The following INTS2 variants were observed in gnomAD, a reference collection of about 807,000 sequenced individuals.
INTS2 encodes KIAA1287.
A neutral mutation model predicts 139.6 loss-of-function variants in INTS2; 57 were observed. That is an observed-to-expected ratio of 0.41 (90% CI 0.33 to 0.51). The LOEUF (loss-of-function observed/expected upper bound fraction) is 0.51, where lower values mean the gene tolerates loss of function less well. Among genes scored for constraint, INTS2 ranks in the 20% least tolerant of loss-of-function variants. The probability of loss-of-function intolerance (pLI) is 0.28; values close to 1 mark genes in which losing one functional copy is unlikely to be tolerated. For synonymous variants in INTS2, 473 were observed against 493.4 expected (o/e 0.96, Z 0.55); for missense variants, 1,196 against 1,436.7 (o/e 0.83, Z 2.71).
intron 2 of INTS2, 113 bp downstream of exon 2, chr17:61,926,239 A>T: frequency 1.2e-6 from 1 of 829,722 alleles, no homozygotes; most frequent in Non-Finnish European, 1.9e-6. Flanking sequence ...CCTAAGTAAA[A>T]TGCTCTCCAG....
At position 61,927,706 on chromosome 17, in the gene INTS2, G is replaced by C; in HGVS notation, c.-71C>G. Reference sequence around the variant, plus strand: ...AACCGCACACGGACTCCGCGTCCTAGAGGCGGGACGCGGCAGAAATCGAGA... The same window carrying C: ...AACCGCACACGGACTCCGCGTCCTACAGGCGGGACGCGGCAGAAATCGAGA... On this transcript the variant is annotated 5_prime_UTR_variant, in exon 1 of 25. Transcript: ENST00000251334. The C allele has an allele frequency of 6.9e-7, 1 of 1,448,714 alleles. No homozygotes were observed. The highest frequency in any genetic ancestry group is 9.1e-7 in the Non-Finnish European group (1 of 1,103,808). 89.7% of individuals were successfully genotyped at this position (1,448,714 alleles called of 1,614,324 possible).
intron 9 of INTS2, 81 bp downstream of exon 9, chr17:61,904,379 C>G: frequency 9.8e-7 from 1 of 1,016,668 alleles, no homozygotes; most frequent in Non-Finnish European, 1.5e-6. Flanking sequence ...TTGTAGAAAA[C>G]TCTTATCTAA....
At chr17:61,889,582 G>A (rs1019854716) in intron 15 of INTS2, among the ~76,000 whole-genome samples, 1 of 152,166 alleles carries the variant, frequency 6.6e-6, no homozygotes, top group African/African-American at 2.4e-5. Flanking sequence ...CTCTGATAAG[G>A]AGGACTGGGC....
At chr17:61,904,075 C>A (rs1421634930) in intron 9 of INTS2, among the ~76,000 whole-genome samples, 3 of 152,144 alleles carry the variant, frequency 2.0e-5, no homozygotes, top group Non-Finnish European at 4.4e-5. Context: ...ACTATTTCGA[C>A]TTATTTAAAC....
At chr17:61,902,858 T>TAAAAA (rs1049738346) in intron 9 of INTS2, among the ~76,000 whole-genome samples, 1 of 98,086 alleles carries the variant, frequency 1.0e-5, no homozygotes, top group Non-Finnish European at 2.2e-5. Flanking sequence ...TGAAAGAGCT[T>TAAAAA]AAAAAAAAAA....
rs1180431328 is a variant in INTS2, at chr17:61,870,695, A to C, written c.2779-707T>G. On this transcript the variant is annotated intron_variant, in intron 20 of 24. Transcript: ENST00000251334. This position sits in a 1 kb window ranked among gnomAD's most constrained non-coding sequence, Gnocchi z 4.4. The stretch of plus-strand genomic sequence containing the variant: ...AGACAGCTACTGCCTAAGGTAGAGA[A>C]AACAATTACTTGAGCTAAGTGATTA... Among the ~76,000 whole-genome samples the C allele has an allele frequency of 6.6e-6, 1 of 152,240 alleles. No homozygotes were observed. The highest frequency in any genetic ancestry group is 1.5e-5 in the Non-Finnish European group (1 of 68,038).
chr17:61,895,626 T>A (rs2079339429), intron 11 of INTS2, among the ~76,000 whole-genome samples: 1 of 152,178 alleles, frequency 6.6e-6, no homozygotes, highest in Non-Finnish European at 1.5e-5. Context: ...GGAAACAGAT[T>A]ATTTACTACA....
intron 5 of INTS2, among the ~76,000 whole-genome samples, chr17:61,912,628 A>T (rs529623263): frequency 2.0e-4 from 30 of 152,224 alleles, no homozygotes; most frequent in Non-Finnish European, 1.6e-4. Context: ...CTTCTCAAAT[A>T]AATTAATTAA....
At chr17:61,906,088 G>C (rs1038219700) in intron 8 of INTS2, among the ~76,000 whole-genome samples, 4 of 152,124 alleles carry the variant, frequency 2.6e-5, no homozygotes, top group African/African-American at 9.7e-5. Flanking sequence ...TTTGGAACAT[G>C]AGTTCATTAT....
intron 2 of INTS2, among the ~76,000 whole-genome samples, chr17:61,926,014 G>A (rs578072904): frequency 1.5e-4 from 22 of 150,462 alleles, no homozygotes; most frequent in Admixed American, 5.3e-4. Flanking sequence ...CAACAAGAGC[G>A]AAACTCTGTC....
At chr17:61,920,284 C>T (rs996939802) in intron 4 of INTS2, among the ~76,000 whole-genome samples, 1 of 149,536 alleles carries the variant, frequency 6.7e-6, no homozygotes, top group East Asian at 2.0e-4. Flanking sequence ...AGAGTTCAAG[C>T]GATTCTCCTG....
intron 5 of INTS2, among the ~76,000 whole-genome samples, chr17:61,913,390 A>G (rs1480330555): frequency 6.6e-6 from 1 of 151,986 alleles, no homozygotes; most frequent in Non-Finnish European, 1.5e-5. Flanking sequence ...AAGAAAAAAA[A>G]AAAAAGTAGC....
chr17:61,917,574 C>T (rs1398354535), intron 5 of INTS2, among the ~76,000 whole-genome samples: 1 of 152,106 alleles, frequency 6.6e-6, no homozygotes, highest in Non-Finnish European at 1.5e-5. Context: ...GGGAGTTAAA[C>T]ATTGGGTACA....
chr17:61,885,723 A>ATTTTTTT (rs1306536844), intron 15 of INTS2, among the ~76,000 whole-genome samples: 1 of 87,200 alleles, frequency 1.1e-5, no homozygotes, highest in Admixed American at 1.3e-4. Flanking sequence ...GGCCCGGCCA[A>ATTTTTTT]TTTTTTTTTT....
In INTS2 at chr17:61,880,887, A is replaced by T. The variant is rs530670020; in HGVS notation, c.2254+120T>A. The T allele has an allele frequency of 3.6e-5, 28 of 785,146 alleles. No homozygotes were observed. The African/African-American group carries it at 4.7e-4, about 13-fold the overall frequency. 48.6% of individuals were successfully genotyped at this position (785,146 alleles called of 1,614,324 possible). Reference sequence around the variant, plus strand: ...AAAGAGTATTTTATATACTTAAAATACATTCACCAAAACATTGTTATATCC... The same window carrying T: ...AAAGAGTATTTTATATACTTAAAATTCATTCACCAAAACATTGTTATATCC... On this transcript the variant is annotated intron_variant, in intron 17 of 24. Transcript: ENST00000251334.
chr17:61,898,035 C>T (rs1210303066), intron 9 of INTS2, among the ~76,000 whole-genome samples: 1 of 151,976 alleles, frequency 6.6e-6, no homozygotes, highest in South Asian at 2.1e-4. Context: ...AAAACAAAGG[C>T]CCCTTGGGAT....
intron 15 of INTS2, among the ~76,000 whole-genome samples, chr17:61,888,156 A>G (rs1305449769): frequency 6.6e-6 from 1 of 152,084 alleles, no homozygotes; most frequent in East Asian, 1.9e-4. Flanking sequence ...GGACTGCTCG[A>G]GCCCAGGAGT....
Position 61,867,494 on chromosome 17 carries a change from C to T in INTS2, c.*63G>A. 1 of 983,922 alleles carries T rather than the reference C, an allele frequency of 1.0e-6. No individual in the cohort carries two copies. Among genetic ancestry groups the T allele is most frequent in the Non-Finnish European group, 1.5e-6 (1 of 654,790 alleles). The allele number at this position is 983,922 out of a possible 1,614,324, so 60.9% of individuals were successfully genotyped here. Reference sequence around the variant, plus strand: ...GTTCCCATTCAGTTTAGAGTTGTTACTAATATGCAGATTCATGTTGGGTAT... The same window carrying T: ...GTTCCCATTCAGTTTAGAGTTGTTATTAATATGCAGATTCATGTTGGGTAT... On this transcript the variant is annotated 3_prime_UTR_variant, in exon 25 of 25. Transcript: ENST00000251334. The surrounding 1 kb of genome is among the most constrained non-coding windows in gnomAD (Gnocchi z 5.6).
chr17:61,908,313 G>A (rs763648601), intron 7 of INTS2, among the ~76,000 whole-genome samples: 1 of 152,116 alleles, frequency 6.6e-6, no homozygotes, highest in Non-Finnish European at 1.5e-5. Context: ...TACTTGGGAG[G>A]CTGAAGCACA....
Sources: gnomAD v4.1 joint callset for allele counts (sites outside exome capture counted in the v4.1 genomes callset) on GRCh38, gnomAD v4.1.1 for gene constraint, Gnocchi (gnomAD v3.1) non-coding constraint, MANE v1.5 for transcripts, NCBI Gene and HGNC (gene_info 2026-07-23, HGNC 2026-07-21) for gene names.